The following WNK2 variants were observed in gnomAD, a reference collection of about 807,000 sequenced individuals.
WNK2 encodes the protein serine/threonine-protein kinase WNK2.
WNK2 carries 67 observed loss-of-function variants against 192.1 expected under a neutral mutation model. The observed-to-expected ratio is 0.35, with a 90% CI of 0.29 to 0.43. The LOEUF (loss-of-function observed/expected upper bound fraction) is 0.43, where lower values mean the gene tolerates loss of function less well. Ranked by LOEUF, WNK2 falls within the 20% of genes least tolerant of loss-of-function variation. The pLI is 1.00. For missense variants in WNK2, 2,698 were observed against 3,089.7 expected (o/e 0.87, Z 3.01); for synonymous variants, 1,439 against 1,393.9 (o/e 1.03, Z -0.72).
At chr9:93,222,895 T>C (rs186630171) in intron 2 of WNK2, among the ~76,000 whole-genome samples, 1 of 152,324 alleles carries the variant, frequency 6.6e-6, no homozygotes, top group East Asian at 1.9e-4. Context: ...TTGGCCAGGC[T>C]GGTCTCAAAC....
intron 19 of WNK2, among the ~76,000 whole-genome samples, chr9:93,276,869 C>T (rs1480172294): frequency 2.0e-5 from 3 of 152,108 alleles, no homozygotes; most frequent in Non-Finnish European, 2.9e-5. Context: ...AACCCCATCT[C>T]TACTAAAAAT....
intron 16 of WNK2, among the ~76,000 whole-genome samples, chr9:93,265,444 A>G (rs952301889): frequency 2.0e-5 from 3 of 152,224 alleles, no homozygotes; most frequent in African/African-American, 7.2e-5. Context: ...GGCTGAAGAC[A>G]TGATGGGGCC....
intron 6 of WNK2, among the ~76,000 whole-genome samples, chr9:93,238,692 C>A (rs1476752477): frequency 6.6e-6 from 1 of 152,242 alleles, no homozygotes; most frequent in African/African-American, 2.4e-5. Context: ...TGCATGACTC[C>A]CATGCCTTGA....
At chr9:93,212,016 C>T (rs1377791988) in intron 2 of WNK2, among the ~76,000 whole-genome samples, 1 of 152,246 alleles carries the variant, frequency 6.6e-6, no homozygotes, top group Admixed American at 6.5e-5. Context: ...TTCACACACT[C>T]ACACATTCAC....
At chr9:93,281,228 T>C (rs560997471) in intron 19 of WNK2, among the ~76,000 whole-genome samples, 11 of 152,166 alleles carry the variant, frequency 7.2e-5, no homozygotes, top group Non-Finnish European at 1.3e-4. Context: ...TAAATAAAGC[T>C]ATTAAGATCC....
At chr9:93,204,436 G>A (rs998237989) in intron 2 of WNK2, among the ~76,000 whole-genome samples, 4 of 152,236 alleles carry the variant, frequency 2.6e-5, no homozygotes, top group African/African-American at 9.6e-5. Context: ...ATGGGGGCCA[G>A]AAAGGCGGGG....
At chr9:93,311,648 C>T (rs183442809) in intron 28 of WNK2, among the ~76,000 whole-genome samples, 52 of 24,798 alleles carry the variant, frequency 2.1e-3, no homozygotes, top group Admixed American at 6.2e-3. Context: ...TGTTTTGAGA[C>T]GGAGTTTTGC....
chr9:93,274,580 G>A (rs1266290464), intron 19 of WNK2, among the ~76,000 whole-genome samples: 1 of 151,010 alleles, frequency 6.6e-6, no homozygotes. Context: ...AATAAAAGAG[G>A]TATATTACTG....
chr9:93,292,967 C>T lies in WNK2; in HGVS notation c.5502C>T (p.Gly1834=), dbSNP rs563165488. 4.7e-4 allele frequency: 728 copies of T among 1,537,834 alleles called. 2 individuals carry two copies. Among genetic ancestry groups the T allele is most frequent in the Non-Finnish European group, 6.5e-5 (74 of 1,143,352 alleles). The stretch of plus-strand genomic sequence containing the variant: ...TGCCCGTGAGTGGCAGCGTGGCTGG[C>T]GACTTCGTGAAGAAGGCCACCGCCT... The part of the protein sequence containing the change: ...ASLPVSGSVA[G]DFVKKATAFL... Residue 1834 remains glycine, a synonymous_variant, in exon 23 of 30, where the codon GGC becomes GGT. Coordinates refer to ENST00000427277, the MANE Select transcript of WNK2 (RefSeq NM_006648.4).
chr9:93,203,388 C>A (rs1832821601), intron 2 of WNK2, among the ~76,000 whole-genome samples: 1 of 152,112 alleles, frequency 6.6e-6, no homozygotes, highest in African/African-American at 2.4e-5. Context: ...GAGGCGCCTG[C>A]TGAGTGAGGA....
At chr9:93,223,818 G>A (rs2131860599) in intron 2 of WNK2, among the ~76,000 whole-genome samples, 2 of 152,352 alleles carry the variant, frequency 1.3e-5, no homozygotes, top group South Asian at 4.1e-4. Context: ...GCCTCCTAGA[G>A]CAGTGGGGAC....
chr9:93,275,211 C>T lies in WNK2; in HGVS notation c.4033+6465C>T, dbSNP rs62571746. ...CAGTTGACTAAATACAACATCCATT[C>T]ATGACAAAAATCCTTGGCAAACAAG... On this transcript the variant is annotated intron_variant, in intron 19 of 29. Coordinates refer to ENST00000427277, the MANE Select transcript of WNK2 (RefSeq NM_006648.4). Among the ~76,000 whole-genome samples, 1,332 of 152,270 alleles carry T rather than the reference C, an allele frequency of 8.7e-3. 19 individuals carry two copies. Among genetic ancestry groups the T allele is most frequent in the Non-Finnish European group, 0.014 (945 of 68,036 alleles).
chr9:93,220,761 C>G (rs1044810596), intron 2 of WNK2, among the ~76,000 whole-genome samples: 5 of 152,062 alleles, frequency 3.3e-5, no homozygotes, highest in Non-Finnish European at 5.9e-5. Flanking sequence ...TGTGGTGGGC[C>G]CGGGGAGTGG....
At chr9:93,275,539 T>C (rs1456280895) in intron 19 of WNK2, among the ~76,000 whole-genome samples, 1 of 152,172 alleles carries the variant, frequency 6.6e-6, no homozygotes, top group Non-Finnish European at 1.5e-5. Flanking sequence ...CTCCCTAAGA[T>C]TGAGAAACAA....
intron 2 of WNK2, among the ~76,000 whole-genome samples, chr9:93,189,250 T>G (rs1411359746): frequency 6.6e-6 from 1 of 152,170 alleles, no homozygotes; most frequent in African/African-American, 2.4e-5. Context: ...AGGATCTCAG[T>G]GCCACTGCCT....
chr9:93,228,852 G>A (rs1028589776), intron 2 of WNK2, among the ~76,000 whole-genome samples: 14 of 152,162 alleles, frequency 9.2e-5, no homozygotes, highest in Admixed American at 2.6e-4. Context: ...GGGAGAGAGC[G>A]TGGCGAGGGA....
intron 21 of WNK2, among the ~76,000 whole-genome samples, chr9:93,291,814 C>T (rs954607935): frequency 1.3e-5 from 2 of 152,198 alleles, no homozygotes; most frequent in African/African-American, 4.8e-5. Flanking sequence ...CTCTTTACGG[C>T]AACCCTGGGA....
At chr9:93,230,819 G>A in intron 3 of WNK2, 69 bp from the exon 4 acceptor site, 1 of 1,410,566 alleles carries the variant, frequency 7.1e-7, no homozygotes, top group East Asian at 2.4e-5. Context: ...AGCAGTGTTA[G>A]GTGGGGGCTT....
At chr9:93,218,130 C>A (rs977716479) in intron 2 of WNK2, among the ~76,000 whole-genome samples, 10 of 152,162 alleles carry the variant, frequency 6.6e-5, no homozygotes, top group African/African-American at 2.4e-4. Context: ...AGCCTTTGAA[C>A]CCTGTGTGGG....
Sources: allele counts gnomAD v4.1 joint callset (sites outside exome capture counted in the v4.1 genomes callset), GRCh38; gene constraint gnomAD v4.1.1; transcripts MANE v1.5; gene names NCBI Gene and HGNC (gene_info 2026-07-23, HGNC 2026-07-21).